Variants in PAMR1 observed in about 807,000 individuals in gnomAD.
PAMR1 encodes peptidase domain containing associated with muscle regeneration 1, also known as inactive serine protease PAMR1.
Under a neutral mutation model 81.8 loss-of-function variants are expected in PAMR1, and 88 were observed. That is an observed-to-expected ratio of 1.08 (90% CI 0.91 to 1.28). The LOEUF is 1.28. Among genes scored for constraint, PAMR1 ranks in the 50% most tolerant of loss-of-function variants. The pLI is 0.00. For missense variants in PAMR1, 935 were observed against 919.7 expected, an observed-to-expected ratio of 1.02 and a Z score of -0.21; for synonymous variants, 336 against 345.3, an observed-to-expected ratio of 0.97 and a Z score of 0.30.
At chr11:35,526,575 T>C (rs1338617244), upstream of PAMR1, among the ~76,000 whole-genome samples, 6 of 152,234 alleles carry the variant, frequency 3.9e-5, no homozygotes, top group African/African-American at 1.2e-4. Flanking sequence ...GCCTCTGTAT[T>C]TTACAATTAG....
chr11:35,484,560 G>C (rs1034569596), intron 3 of PAMR1, among the ~76,000 whole-genome samples: 1 of 152,166 alleles, frequency 6.6e-6, no homozygotes, highest in African/African-American at 2.4e-5. Context: ...CTCAGGAATC[G>C]GCCTGCACAA....
intron 6 of PAMR1, among the ~76,000 whole-genome samples, chr11:35,442,653 C>T (rs1856198789): frequency 6.6e-6 from 1 of 151,674 alleles, no homozygotes; most frequent in Non-Finnish European, 1.5e-5. Flanking sequence ...ACTCCGTCAC[C>T]CAGGCTGGAG....
chr11:35,494,213 A>T lies in PAMR1; in HGVS notation c.133T>A (p.Cys45Ser). 4 of 1,613,716 alleles carry T rather than the reference A, an allele frequency of 2.5e-6. No individual in the cohort carries two copies. The highest frequency in any genetic ancestry group is 3.4e-6 in the Non-Finnish European group (4 of 1,179,906). Residue 45 changes from cysteine (C) to serine (S), a missense_variant, in exon 2 of 11, where the codon TGC becomes AGC. Physicochemically the swap from Cys to Ser is moderately radical, Grantham distance 112. Coordinates refer to ENST00000619888, the MANE Select transcript of PAMR1 (RefSeq NM_001001991.3). ...CACTCAATCTGATCATATTCACAGCACTCCCGACACATGATATTCCACTCT... is the reference window on the plus strand; with the variant it reads ...CACTCAATCTGATCATATTCACAGCTCTCCCGACACATGATATTCCACTCT... ...GAEWNIMCRE[C>S]CEYDQIECVC...
intron 6 of PAMR1, among the ~76,000 whole-genome samples, chr11:35,452,855 T>C (rs1000973027): frequency 6.6e-6 from 1 of 152,212 alleles, no homozygotes; most frequent in Non-Finnish European, 1.5e-5. Flanking sequence ...TAGAGTAATA[T>C]AATTTTCTAT....
upstream of PAMR1, chr11:35,528,955 G>A (rs1473968130): frequency 1.3e-5 from 2 of 152,330 alleles, no homozygotes; most frequent in East Asian, 3.9e-4. Flanking sequence ...ATATTACCTT[G>A]TTGAACTGCA....
At chr11:35,447,352 G>A (rs574566456) in intron 6 of PAMR1, among the ~76,000 whole-genome samples, 3 of 152,068 alleles carry the variant, frequency 2.0e-5, no homozygotes, top group Non-Finnish European at 1.5e-5. Flanking sequence ...ACAGCCACCT[G>A]CTACCACGCC....
At chr11:35,452,728 T>C (rs544059968) in intron 6 of PAMR1, among the ~76,000 whole-genome samples, 27 of 152,336 alleles carry the variant, frequency 1.8e-4, no homozygotes, top group African/African-American at 6.3e-4. Flanking sequence ...GCAAAATGGC[T>C]TGGGTCTTCC....
chr11:35,448,157 T>C (rs1266550760), intron 6 of PAMR1, among the ~76,000 whole-genome samples: 1 of 152,198 alleles, frequency 6.6e-6, no homozygotes, highest in African/African-American at 2.4e-5. Context: ...TTGCTGGGGT[T>C]CTCTGGATTT....
upstream of PAMR1, among the ~76,000 whole-genome samples, chr11:35,528,598 G>A (rs1431851718): frequency 6.6e-6 from 1 of 151,908 alleles, no homozygotes; most frequent in East Asian, 1.9e-4. Context: ...TTTTTCTCTT[G>A]TTAATCTGTT....
intron 3 of PAMR1, among the ~76,000 whole-genome samples, chr11:35,477,344 C>T (rs901502282): frequency 1.3e-5 from 2 of 152,186 alleles, no homozygotes; most frequent in African/African-American, 4.8e-5. Context: ...TAAAAAAACA[C>T]AGAGAACAAC....
rs926975373 is a variant in PAMR1, at chr11:35,432,326, A to C, written c.*30T>G. ...ACACACGTACAGACGGATATACAGA[A>C]ACACTTCTCAAGGAGTGCATGAGCA... On this transcript the variant is annotated 3_prime_UTR_variant, in exon 11 of 11. Coordinates refer to ENST00000619888, the MANE Select transcript of PAMR1 (RefSeq NM_001001991.3). The C allele has an allele frequency of 5.7e-6, 9 of 1,583,760 alleles. No individual in the cohort carries two copies. In the African/African-American group the frequency reaches 1.2e-4, roughly 21 times the overall value.
chr11:35,501,516 C>A (rs1471261430), intron 1 of PAMR1, among the ~76,000 whole-genome samples: 2 of 151,660 alleles, frequency 1.3e-5, no homozygotes, highest in African/African-American at 4.8e-5. Flanking sequence ...AAAATATTTT[C>A]TTTATGTTTT....
chr11:35,489,718 C>T (rs568444073), intron 3 of PAMR1, among the ~76,000 whole-genome samples: 1 of 152,320 alleles, frequency 6.6e-6, no homozygotes, highest in East Asian at 1.9e-4. Flanking sequence ...CATACTATCC[C>T]TCTCCCTGAA....
chr11:35,517,044 C>G lies in PAMR1; in HGVS notation c.73+8469G>C, dbSNP rs589475. On this transcript the variant is annotated intron_variant, in intron 1 of 10. Coordinates refer to ENST00000619888, the MANE Select transcript of PAMR1 (RefSeq NM_001001991.3). ...TGCTCAAATATTCTCTGTAGACTGA[C>G]GATAATTGTATCTGACATGATACAT... 2.6e-5 allele frequency among the ~76,000 whole-genome samples: 4 copies of G among 152,018 alleles called. No individual in the cohort carries two copies. The East Asian group carries it at 7.7e-4, about 29-fold the overall frequency.
At chr11:35,521,299 A>T (rs1232984220) in intron 1 of PAMR1, among the ~76,000 whole-genome samples, 1 of 152,194 alleles carries the variant, frequency 6.6e-6, no homozygotes, top group Admixed American at 6.5e-5. Context: ...CTGTTGGCCA[A>T]TTAGTCCTCA....
At chr11:35,451,201 T>A (rs1442041825) in intron 6 of PAMR1, among the ~76,000 whole-genome samples, 2 of 152,218 alleles carry the variant, frequency 1.3e-5, no homozygotes, top group Non-Finnish European at 2.9e-5. Flanking sequence ...AATGCAGGGT[T>A]CTAATGGCTT....
chr11:35,451,905 G>A (rs961679181), intron 6 of PAMR1: 2 of 703,906 alleles, frequency 2.8e-6, no homozygotes, highest in Non-Finnish European at 5.3e-6. Context: ...TGAATCTTCT[G>A]ACGCCTTGAT....
At chr11:35,522,376 G>A (rs1203812713) in intron 1 of PAMR1, among the ~76,000 whole-genome samples, 1 of 152,094 alleles carries the variant, frequency 6.6e-6, no homozygotes, top group East Asian at 1.9e-4. Flanking sequence ...CCTGGGCCCT[G>A]GCAATTACCA....
chr11:35,436,569 G>A (rs1404988110), intron 8 of PAMR1, among the ~76,000 whole-genome samples: 3 of 152,086 alleles, frequency 2.0e-5, no homozygotes, highest in South Asian at 2.1e-4. Context: ...ACAGGTGTGA[G>A]CTACGCCACC....
Sources: gnomAD v4.1 joint callset for allele counts (sites outside exome capture counted in the v4.1 genomes callset) on GRCh38, gnomAD v4.1.1 for gene constraint, MANE v1.5 for transcripts, NCBI Gene and HGNC (gene_info 2026-07-23, HGNC 2026-07-21) for gene names.